The following FSHR variants were observed in gnomAD, a reference collection of about 807,000 sequenced individuals.
FSHR encodes the protein follicle stimulating hormone receptor.
In FSHR, 46 loss-of-function variants were observed where a neutral mutation model predicts 52.1. The observed-to-expected ratio is 0.88, with a 90% confidence interval of 0.70 to 1.13. FSHR has a LOEUF of 1.13. FSHR is among the 50% of genes most tolerant of loss of function. The pLI, the probability that FSHR is intolerant of heterozygous loss-of-function variation, is 0.00. For missense variants in FSHR, 964 were observed against 834.6 expected (o/e 1.16, Z -1.91); for synonymous variants, 399 against 309.6 (o/e 1.29, Z -3.03).
At chr2:49,057,099 C>A (rs1010458478) in intron 2 of FSHR, among the ~76,000 whole-genome samples, 2 of 151,818 alleles carry the variant, frequency 1.3e-5, no homozygotes, top group Non-Finnish European at 2.9e-5. Flanking sequence ...AACACTGCAA[C>A]TCAAGGAACT....
chr2:48,975,465 T>C (rs1435090699), intron 8 of FSHR, among the ~76,000 whole-genome samples: 1 of 152,134 alleles, frequency 6.6e-6, no homozygotes, highest in African/African-American at 2.4e-5. Context: ...TGTCTCCTTG[T>C]TGACACAGGC....
chr2:48,970,800 G>A (rs766846505), intron 8 of FSHR, among the ~76,000 whole-genome samples: 4 of 151,988 alleles, frequency 2.6e-5, no homozygotes, highest in Admixed American at 6.6e-5. Flanking sequence ...TTCCATCTCA[G>A]CAAATGACTC....
At chr2:49,150,170 T>G (rs1199784609) in intron 1 of FSHR, among the ~76,000 whole-genome samples, 1 of 152,050 alleles carries the variant, frequency 6.6e-6, no homozygotes, top group African/African-American at 2.4e-5. Flanking sequence ...GAAACCAAAA[T>G]TCCTTTGACT....
chr2:49,065,679 G>A (rs1669477424), intron 2 of FSHR, among the ~76,000 whole-genome samples: 1 of 152,080 alleles, frequency 6.6e-6, no homozygotes. Context: ...GAGAGGTGGA[G>A]GTTGCAGATG....
intron 2 of FSHR, among the ~76,000 whole-genome samples, chr2:49,032,079 A>T (rs1668118834): frequency 6.6e-6 from 1 of 152,202 alleles, no homozygotes. Flanking sequence ...TGAGTCAAGT[A>T]AACATATACT....
At chr2:49,140,570 C>T (rs894438667) in intron 1 of FSHR, among the ~76,000 whole-genome samples, 6 of 151,892 alleles carry the variant, frequency 4.0e-5, no homozygotes, top group East Asian at 1.9e-4. Flanking sequence ...CATGATGGTG[C>T]GTGCCTGTAA....
At chr2:49,118,638 T>C (rs1385292395) in intron 1 of FSHR, among the ~76,000 whole-genome samples, 1 of 152,204 alleles carries the variant, frequency 6.6e-6, no homozygotes, top group Non-Finnish European at 1.5e-5. Context: ...TGGGTCACAT[T>C]GGCCAAGAAC....
In FSHR at chr2:49,053,818, C is replaced by T. The variant is rs1380461062; in HGVS notation, c.224+14401G>A. On this transcript the variant is annotated intron_variant, in intron 2 of 9. Transcript: ENST00000406846. ...GGGGAATTTTTCCCAATCATTTTAA[C>T]AAGAGGATGGGAGTAAGAAATAAAC... 3.3e-5 allele frequency among the ~76,000 whole-genome samples: 5 copies of T among 152,270 alleles called. No individual in the cohort carries two copies. In the East Asian group the frequency reaches 9.7e-4, roughly 29 times the overall value.
At chr2:49,010,601 T>A (rs1333782982) in intron 4 of FSHR, among the ~76,000 whole-genome samples, 3 of 151,232 alleles carry the variant, frequency 2.0e-5, no homozygotes, top group African/African-American at 7.3e-5. Context: ...TCAGAAGGAA[T>A]GGTACCAGTT....
intron 5 of FSHR, among the ~76,000 whole-genome samples, chr2:48,989,273 C>CTTTTTTTT (rs70946840): frequency 6.7e-4 from 81 of 120,810 alleles, no homozygotes; most frequent in African/African-American, 2.9e-3. Flanking sequence ...CATTCAGTGT[C>CTTTTTTTT]TTTTTTTTTT....
intron 1 of FSHR, among the ~76,000 whole-genome samples, chr2:49,129,118 A>G (rs1023544363): frequency 6.7e-6 from 1 of 150,354 alleles, no homozygotes; most frequent in East Asian, 2.0e-4. Context: ...TTTTGTTTTC[A>G]CTATCTCTTT....
intron 1 of FSHR, among the ~76,000 whole-genome samples, chr2:49,120,232 C>G (rs1473531851): frequency 2.0e-5 from 3 of 152,180 alleles, no homozygotes; most frequent in Admixed American, 2.0e-4. Flanking sequence ...GATCATGCCA[C>G]TGCACTCCAG....
chr2:49,135,795 A>C (rs1282576436), intron 1 of FSHR, among the ~76,000 whole-genome samples: 1 of 152,200 alleles, frequency 6.6e-6, no homozygotes, highest in Non-Finnish European at 1.5e-5. Context: ...TCTTACAATA[A>C]AGTAAGCTAG....
intron 2 of FSHR, among the ~76,000 whole-genome samples, chr2:49,023,604 G>C (rs1667817909): frequency 6.6e-6 from 1 of 152,168 alleles, no homozygotes. Context: ...TGACCAGATA[G>C]TATCTGGATA....
At chr2:49,113,500 C>G (rs1226420610) in intron 1 of FSHR, among the ~76,000 whole-genome samples, 1 of 152,186 alleles carries the variant, frequency 6.6e-6, no homozygotes, top group East Asian at 1.9e-4. Context: ...AAGAAGAGAG[C>G]TAAGGTTAGC....
chr2:49,108,963 T>C lies in FSHR; in HGVS notation c.153-40673A>G, dbSNP rs529705912. ...CAAAATCCTGCCTTTTTGGTGCTCA[T>C]AGTTCAGAAAAGCAGATGGCATTAA... is the stretch of plus-strand genomic sequence containing the variant. On this transcript the variant is annotated intron_variant, in intron 1 of 9. Transcript: ENST00000406846. Among the ~76,000 whole-genome samples the C allele has an allele frequency of 2.0e-5, 3 of 152,246 alleles. No individual in the cohort carries two copies. In the East Asian group the frequency reaches 5.8e-4, roughly 29 times the overall value.
At chr2:49,050,527 T>C (rs1668816876) in intron 2 of FSHR, among the ~76,000 whole-genome samples, 1 of 152,148 alleles carries the variant, frequency 6.6e-6, no homozygotes, top group African/African-American at 2.4e-5. Flanking sequence ...CAGGAACATG[T>C]GGGAAAATGG....
rs868607269 is a variant in FSHR at position 48,982,858 on chromosome 2, T to A, written c.668+54A>T. 47 of 1,469,300 alleles carry A rather than the reference T, an allele frequency of 3.2e-5. 1 individual carries two copies. The Middle Eastern group carries it at 6.9e-4, about 21-fold the overall frequency. 91.0% of individuals were successfully genotyped at this position (1,469,300 alleles called of 1,614,324 possible). A position where few individuals can be genotyped will look rare whatever the true frequency, so the allele number is the denominator to read the frequency against. ...TCTCCCCTAGCTGCAGAGAGTTGAC[T>A]TCTAACTTACACAAACTGAGCTCTT... is the stretch of plus-strand genomic sequence containing the variant. On this transcript the variant is annotated intron_variant, in intron 8 of 9. Transcript: ENST00000406846.
At position 49,074,341 on chromosome 2, in the gene FSHR, C is replaced by G. The variant is rs573272583; in HGVS notation, c.153-6051G>C. On this transcript the variant is annotated intron_variant, in intron 1 of 9. Coordinates refer to ENST00000406846, the MANE Select transcript of FSHR (RefSeq NM_000145.4). Reference sequence around the variant, plus strand: ...ACAGCAAAAAAACAACAAATCACCACCAACAAAAAAGTTGATTAAGAAAAT... The same window carrying G: ...ACAGCAAAAAAACAACAAATCACCAGCAACAAAAAAGTTGATTAAGAAAAT... Among the ~76,000 whole-genome samples the G allele has an allele frequency of 1.7e-4, 26 of 152,148 alleles. No individual in the cohort carries two copies. In the South Asian group the frequency reaches 5.2e-3, roughly 30 times the overall value.
Sources: allele counts gnomAD v4.1 joint callset (sites outside exome capture counted in the v4.1 genomes callset), GRCh38; gene constraint gnomAD v4.1.1; transcripts MANE v1.5; gene names NCBI Gene and HGNC (gene_info 2026-07-23, HGNC 2026-07-21).